Variants in LEPR observed in about 807,000 individuals in gnomAD.
LEPR encodes leptin receptor, also known as OB receptor.
LEPR carries 56 observed loss-of-function variants against 114.7 expected under a neutral mutation model. The ratio of observed to expected loss-of-function variants is 0.49; its 90% CI spans 0.39 to 0.61. The LOEUF (loss-of-function observed/expected upper bound fraction) is 0.61, where lower values mean the gene tolerates loss of function less well. Among genes scored for constraint, LEPR ranks in the 20% least tolerant of loss-of-function variants. The pLI, the probability that LEPR is intolerant of heterozygous loss-of-function variation, is 0.00. For synonymous variants in LEPR, 443 were observed against 461.4 expected, an observed-to-expected ratio of 0.96 and a Z score of 0.51; for missense variants, 1,202 against 1,352.9, an observed-to-expected ratio of 0.89 and a Z score of 1.75.
At chr1:65,442,720 T>C (rs996623477) in intron 2 of LEPR, among the ~76,000 whole-genome samples, 1 of 152,214 alleles carries the variant, frequency 6.6e-6, no homozygotes, top group Non-Finnish European at 1.5e-5. Flanking sequence ...AAATATGATA[T>C]ACCTCAATAA....
intron 2 of LEPR, among the ~76,000 whole-genome samples, chr1:65,477,517 G>A (rs1454083325): frequency 6.6e-6 from 1 of 152,210 alleles, no homozygotes; most frequent in Non-Finnish European, 1.5e-5. Context: ...CCATGTGGAA[G>A]GTATATTTTT....
chr1:65,422,989 T>G (rs1380918794), intron 1 of LEPR, among the ~76,000 whole-genome samples: 1 of 152,082 alleles, frequency 6.6e-6, no homozygotes, highest in Non-Finnish European at 1.5e-5. Context: ...AGCAGAGAGT[T>G]TAAGAAGTCT....
At chr1:65,471,465 A>G (rs954526229) in intron 2 of LEPR, among the ~76,000 whole-genome samples, 1 of 152,212 alleles carries the variant, frequency 6.6e-6, no homozygotes, top group Admixed American at 6.5e-5. Flanking sequence ...ATAGTCCCAG[A>G]AAGCGTTAGG....
chr1:65,582,186 G>A (rs1055622174), intron 5 of LEPR, among the ~76,000 whole-genome samples: 4 of 152,128 alleles, frequency 2.6e-5, no homozygotes, highest in Non-Finnish European at 5.9e-5. Context: ...AAAACTTAGT[G>A]GCTTAAAACA....
chr1:65,499,288 G>A (rs578239830), intron 2 of LEPR, among the ~76,000 whole-genome samples: 1 of 152,056 alleles, frequency 6.6e-6, no homozygotes, highest in Non-Finnish European at 1.5e-5. Flanking sequence ...TTCCCAAAGA[G>A]AATTCCTGCA....
chr1:65,555,126 T>C (rs1229698383), intron 2 of LEPR, among the ~76,000 whole-genome samples: 1 of 152,158 alleles, frequency 6.6e-6, no homozygotes, highest in Non-Finnish European at 1.5e-5. Flanking sequence ...TTGATCTCCC[T>C]GGGAGCTACA....
In LEPR at chr1:65,487,569, GA is replaced by G. The variant is rs1647558410; in HGVS notation, c.-21+62195del. Among the ~76,000 whole-genome samples the G allele has an allele frequency of 2.6e-5, 4 of 152,034 alleles. No homozygotes were observed. The South Asian group carries it at 8.3e-4, about 32-fold the overall frequency. On this transcript the variant is annotated intron_variant, in intron 2 of 19. Coordinates refer to ENST00000349533, the MANE Select transcript of LEPR (RefSeq NM_002303.6). ...CAAAGTAAGGTTGTACCAGAGTAAA[GA>G]AAAGTTGACCATATTTAAATAAATA... is the stretch of plus-strand genomic sequence containing the variant.
chr1:65,630,768 T>G (rs1029592891), intron 19 of LEPR, among the ~76,000 whole-genome samples: 1 of 152,052 alleles, frequency 6.6e-6, no homozygotes. Context: ...TCTGTTGGAT[T>G]TTTATATACT....
At chr1:65,519,571 G>C (rs1015188387) in intron 2 of LEPR, among the ~76,000 whole-genome samples, 2 of 152,054 alleles carry the variant, frequency 1.3e-5, no homozygotes, top group African/African-American at 4.8e-5. Flanking sequence ...AAGAAGCAGA[G>C]TTGTTAACAT....
intron 2 of LEPR, among the ~76,000 whole-genome samples, chr1:65,460,280 A>G (rs1646928407): frequency 1.3e-5 from 2 of 152,200 alleles, no homozygotes; most frequent in Admixed American, 1.3e-4. Context: ...ACAGCTAGCA[A>G]GTGCCAGAGT....
At chr1:65,485,301 C>T (rs1259942108) in intron 2 of LEPR, among the ~76,000 whole-genome samples, 6 of 152,128 alleles carry the variant, frequency 3.9e-5, no homozygotes, top group Non-Finnish European at 7.3e-5. Context: ...TGAATGCTTA[C>T]CATGGGCCAG....
At chr1:65,509,915 C>T (rs1400036632) in intron 2 of LEPR, among the ~76,000 whole-genome samples, 2 of 152,260 alleles carry the variant, frequency 1.3e-5, no homozygotes, top group East Asian at 3.9e-4. Context: ...ACAATCCAAA[C>T]ACAAGCTGTC....
rs561260445 is a variant in LEPR, at chr1:65,478,988, T to G, written c.-21+53610T>G. 4.6e-4 allele frequency among the ~76,000 whole-genome samples: 70 copies of G among 152,312 alleles called. 3 individuals are homozygous for G. In the South Asian group the frequency reaches 0.014, roughly 31 times the overall value. On this transcript the variant is annotated intron_variant, in intron 2 of 19. Transcript: ENST00000349533. ...CAAATAGAACTTTGTGTTAAAATAC[T>G]TGTCCCAGGTCCAGTTTCGTTTTGC...
intron 2 of LEPR, among the ~76,000 whole-genome samples, chr1:65,518,927 CTGTT>C (rs1194504234): frequency 1.1e-3 from 125 of 114,500 alleles, no homozygotes; most frequent in African/African-American, 4.0e-3. Context: ...CTCTCTTTCT[CTGTT>C]TCTTTCTTTC....
At chr1:65,545,799 C>T (rs1054414532) in intron 2 of LEPR, among the ~76,000 whole-genome samples, 114 of 151,932 alleles carry the variant, frequency 7.5e-4, no homozygotes, top group Middle Eastern at 6.8e-3. Context: ...TGTGCAGAAG[C>T]TCTTTAGTTT....
At chr1:65,580,242 ATGGG>A (rs1654886797) in intron 5 of LEPR, among the ~76,000 whole-genome samples, 4 of 152,186 alleles carry the variant, frequency 2.6e-5, no homozygotes, top group African/African-American at 7.2e-5. Flanking sequence ...CTCTAATTCA[ATGGG>A]TAGAGCTGGT....
At position 65,608,890 on chromosome 1, in the gene LEPR, G is replaced by A. The variant is rs2100964683; in HGVS notation, c.1741G>A (p.Val581Ile). ...QIRYGLSGKE[V>I]QWKMYEVYDA... ...TCGCTATGGTTTAAGTGGAAAAGAA[G>A]TACAATGGAAGGTACCTTTTACTTA... The change falls in exon 12 of 20, where the codon GTA becomes ATA. Residue 581 changes from valine to isoleucine, a missense_variant. Coordinates refer to ENST00000349533, the MANE Select transcript of LEPR (RefSeq NM_002303.6). The A allele has an allele frequency of 1.2e-6, 2 of 1,613,634 alleles. No individual in the cohort carries two copies. The highest frequency in any genetic ancestry group is 4.5e-5 in the East Asian group (2 of 44,742).
chr1:65,437,292 G>GT (rs954118985), intron 2 of LEPR, among the ~76,000 whole-genome samples: 4 of 152,078 alleles, frequency 2.6e-5, no homozygotes, highest in Non-Finnish European at 5.9e-5. Flanking sequence ...TGGTATCTCA[G>GT]TATGTTGCCC....
At chr1:65,512,112 A>G (rs1322886196) in intron 2 of LEPR, among the ~76,000 whole-genome samples, 1 of 152,098 alleles carries the variant, frequency 6.6e-6, no homozygotes, top group Non-Finnish European at 1.5e-5. Flanking sequence ...ACACTTTTAA[A>G]CCAGCAGATG....
Sources: allele counts gnomAD v4.1 joint callset (sites outside exome capture counted in the v4.1 genomes callset), GRCh38; gene constraint gnomAD v4.1.1; transcripts MANE v1.5; gene names NCBI Gene and HGNC (gene_info 2026-07-23, HGNC 2026-07-21).